Variants in GRXCR1 observed in about 807,000 individuals in gnomAD.
The protein encoded by GRXCR1 is glutaredoxin and cysteine rich domain containing 1, also known as glutaredoxin domain-containing cysteine-rich protein 1.
Under a neutral mutation model 27.3 loss-of-function variants are expected in GRXCR1, and 27 were observed. That is an observed-to-expected ratio of 0.99 (90% CI 0.73 to 1.37). The LOEUF is 1.37. Ranked by LOEUF, GRXCR1 falls within the 40% of genes most tolerant of loss-of-function variation. The pLI is 0.00. For missense variants in GRXCR1, 379 were observed against 354.4 expected (o/e 1.07, Z -0.56); for synonymous variants, 122 against 131.1 (o/e 0.93, Z 0.47).
At chr4:42,905,000 A>C (rs797016384) in intron 1 of GRXCR1, among the ~76,000 whole-genome samples, 52 of 152,296 alleles carry the variant, frequency 3.4e-4, no homozygotes, top group African/African-American at 1.1e-3. Flanking sequence ...ACTCCGTAAA[A>C]GGCATCTTGG....
intron 3 of GRXCR1, among the ~76,000 whole-genome samples, chr4:43,026,420 G>A (rs981975046): frequency 1.3e-5 from 2 of 151,884 alleles, no homozygotes; most frequent in African/African-American, 2.4e-5. Context: ...GCAAGAATGA[G>A]ATTCCTGGGT....
intron 1 of GRXCR1, among the ~76,000 whole-genome samples, chr4:42,935,469 T>G (rs924157030): frequency 5.9e-5 from 9 of 151,818 alleles, no homozygotes; most frequent in African/African-American, 2.2e-4. Flanking sequence ...GAGGGTTTTG[T>G]GCAACAGATG....
intron 1 of GRXCR1, among the ~76,000 whole-genome samples, chr4:42,920,787 G>A (rs578019639): frequency 6.6e-6 from 1 of 152,098 alleles, no homozygotes; most frequent in East Asian, 1.9e-4. Context: ...CCTACACTGA[G>A]CCATTACACT....
chr4:42,932,613 TATATATAGAGAGAGAGAGAGAG>T (rs1477368147), intron 1 of GRXCR1, among the ~76,000 whole-genome samples: 30 of 39,314 alleles, frequency 7.6e-4, no homozygotes, highest in South Asian at 1.3e-3. Context: ...TATATATATA[TATATATAGAGAGAGAGAGAGAG>T]AGAGAGAGAG....
intron 1 of GRXCR1, among the ~76,000 whole-genome samples, chr4:42,916,106 A>G (rs569965216): frequency 5.3e-5 from 8 of 151,858 alleles, no homozygotes; most frequent in African/African-American, 1.9e-4. Context: ...TCAGAAAAAA[A>G]AAAAAGATTA....
chr4:42,994,391 C>A (rs1208735732), intron 2 of GRXCR1, among the ~76,000 whole-genome samples: 1 of 152,132 alleles, frequency 6.6e-6, no homozygotes, highest in Admixed American at 6.5e-5. Flanking sequence ...AACATCAACA[C>A]TTTTATGCAG....
intron 1 of GRXCR1, among the ~76,000 whole-genome samples, chr4:42,921,736 C>G (rs993637067): frequency 6.6e-6 from 1 of 152,048 alleles, no homozygotes; most frequent in African/African-American, 2.4e-5. Flanking sequence ...CATAATGATA[C>G]CAGAATGTTC....
chr4:42,901,913 T>A (rs1746470442), intron 1 of GRXCR1, among the ~76,000 whole-genome samples: 1 of 152,224 alleles, frequency 6.6e-6, no homozygotes, highest in Non-Finnish European at 1.5e-5. Context: ...AATCAAAGTA[T>A]TGAAACTGGT....
intron 1 of GRXCR1, among the ~76,000 whole-genome samples, chr4:42,932,722 T>C (rs1277491624): frequency 6.7e-6 from 1 of 148,182 alleles, no homozygotes; most frequent in Non-Finnish European, 1.5e-5. Flanking sequence ...GAAGCCTCTC[T>C]GTCCCAGAGA....
chr4:42,915,493 G>C (rs1184682698), intron 1 of GRXCR1, among the ~76,000 whole-genome samples: 1 of 151,392 alleles, frequency 6.6e-6, no homozygotes, highest in Non-Finnish European at 1.5e-5. Context: ...GTAGTTTTTA[G>C]TATCTCCACC....
chr4:42,965,889 G>T (rs534759412), intron 2 of GRXCR1, among the ~76,000 whole-genome samples: 183 of 152,024 alleles, frequency 1.2e-3, no homozygotes, highest in Non-Finnish European at 2.2e-3. Flanking sequence ...AATCCAGGGT[G>T]GGGGGTGCCA....
intron 2 of GRXCR1, among the ~76,000 whole-genome samples, chr4:43,012,240 T>C (rs1224555971): frequency 6.6e-6 from 1 of 152,206 alleles, no homozygotes; most frequent in African/African-American, 2.4e-5. Flanking sequence ...AAGAACACTT[T>C]ATGTATTCTA....
intron 2 of GRXCR1, among the ~76,000 whole-genome samples, chr4:42,989,833 T>G (rs1419792311): frequency 6.6e-6 from 1 of 152,214 alleles, no homozygotes; most frequent in Non-Finnish European, 1.5e-5. Flanking sequence ...TGGTATTATC[T>G]CCTATCTGCA....
At chr4:42,991,919 A>G (rs575057694) in intron 2 of GRXCR1, among the ~76,000 whole-genome samples, 23 of 152,230 alleles carry the variant, frequency 1.5e-4, no homozygotes, top group African/African-American at 4.8e-4. Flanking sequence ...GTTGTTTTGA[A>G]AGTATTTTTT....
At chr4:42,972,319 G>T (rs1748407817) in intron 2 of GRXCR1, among the ~76,000 whole-genome samples, 1 of 152,136 alleles carries the variant, frequency 6.6e-6, no homozygotes, top group Non-Finnish European at 1.5e-5. Context: ...AAAGTCTCAT[G>T]AACATTCAAA....
At chr4:42,976,435 T>A (rs1039652459) in intron 2 of GRXCR1, among the ~76,000 whole-genome samples, 3 of 152,086 alleles carry the variant, frequency 2.0e-5, no homozygotes, top group Non-Finnish European at 2.9e-5. Flanking sequence ...GCTATGTATA[T>A]CTTTCTTAAA....
chr4:42,897,921 CTAT>C (rs3075913), intron 1 of GRXCR1, among the ~76,000 whole-genome samples: 3,431 of 127,008 alleles, frequency 0.027, 50 homozygotes, highest in East Asian at 0.081. Flanking sequence ...AAAGTTATTA[CTAT>C]TATTATTATT....
intron 2 of GRXCR1, among the ~76,000 whole-genome samples, chr4:42,978,585 T>G (rs1748577019): frequency 6.6e-6 from 1 of 152,086 alleles, no homozygotes; most frequent in African/African-American, 2.4e-5. Context: ...TTTCTTGATT[T>G]CTTATTAAGA....
rs578237445 is a variant in GRXCR1 at position 43,022,647 on chromosome 4, C to T, written c.693+2228C>T. On this transcript the variant is annotated intron_variant, in intron 3 of 3. Coordinates refer to ENST00000399770, the MANE Select transcript of GRXCR1 (RefSeq NM_001080476.3). Reference sequence around the variant, plus strand: ...AGAATTTGTAGTCAATCAAGAAAACCCAGAACTCTGCCTGAGAGGTAGCTG... The same window carrying T: ...AGAATTTGTAGTCAATCAAGAAAACTCAGAACTCTGCCTGAGAGGTAGCTG... 2.0e-5 allele frequency among the ~76,000 whole-genome samples: 3 copies of T among 152,110 alleles called. 1 individual carries two copies. The South Asian group carries it at 6.2e-4, about 32-fold the overall frequency.
Sources: gnomAD v4.1 joint callset for allele counts (sites outside exome capture counted in the v4.1 genomes callset) on GRCh38, gnomAD v4.1.1 for gene constraint, MANE v1.5 for transcripts, NCBI Gene and HGNC (gene_info 2026-07-23, HGNC 2026-07-21) for gene names.